EGFR: variants seen among roughly 807,000 people sequenced by gnomAD.
EGFR encodes avian erythroblastic leukemia viral (v-erb-b) oncogene homolog.
EGFR carries 58 observed loss-of-function variants against 143.0 expected under a neutral mutation model. That is an observed-to-expected ratio of 0.41 (90% CI 0.33 to 0.50). EGFR has a LOEUF of 0.50. Ranked by LOEUF, EGFR falls within the 20% of genes least tolerant of loss-of-function variation. The probability of loss-of-function intolerance (pLI) is 0.39; values close to 1 mark genes in which losing one functional copy is unlikely to be tolerated. For synonymous variants in EGFR, 613 were observed against 594.4 expected, an observed-to-expected ratio of 1.03 and a Z score of -0.45; for missense variants, 1,307 against 1,579.0, an observed-to-expected ratio of 0.83 and a Z score of 2.92.
At chr7:55,177,090 T>C (rs1786631539) in intron 19 of EGFR, among the ~76,000 whole-genome samples, 1 of 152,038 alleles carries the variant, frequency 6.6e-6, no homozygotes, top group Admixed American at 6.6e-5. Flanking sequence ...ACTGCGGCCA[T>C]GTCCCCCCTC....
intron 22 of EGFR, among the ~76,000 whole-genome samples, chr7:55,197,893 C>G (rs1787683930): frequency 6.6e-6 from 1 of 152,110 alleles, no homozygotes; most frequent in Non-Finnish European, 1.5e-5. Context: ...CTGCTGGATT[C>G]GATTTGCCAG....
At chr7:55,200,625 C>G (rs1179500102) in intron 24 of EGFR, 2 of 629,394 alleles carry the variant, frequency 3.2e-6, no homozygotes, top group East Asian at 5.6e-5. Flanking sequence ...CCATCTCCCC[C>G]TCCCCGTCTG....
rs768310160 is a variant in EGFR, at chr7:55,205,377, T to G, written c.3393T>G (p.Thr1131=). The change falls in exon 28 of 28, where the codon ACT becomes ACG. Residue 1131 remains threonine (T), a synonymous_variant. Transcript: ENST00000275493. ...CACACTACCAGGACCCCCACAGCAC[T>G]GCAGTGGGCAACCCCGAGTATCTCA... is the stretch of plus-strand genomic sequence containing the variant. ...RDPHYQDPHS[T]AVGNPEYLNT... 6.2e-7 allele frequency: 1 copy of G among 1,613,768 alleles called. No homozygotes were observed. Among genetic ancestry groups the G allele is most frequent in the East Asian group, 2.2e-5 (1 of 44,868 alleles).
chr7:55,184,613 T>G (rs1787048999), intron 20 of EGFR, among the ~76,000 whole-genome samples: 1 of 152,232 alleles, frequency 6.6e-6, no homozygotes, highest in African/African-American at 2.4e-5. Flanking sequence ...GTTTTCTGCA[T>G]AATATTACCT....
At chr7:55,178,024 G>C (rs845553) in intron 19 of EGFR, among the ~76,000 whole-genome samples, 1 of 152,154 alleles carries the variant, frequency 6.6e-6, no homozygotes. Context: ...GGGGCCTGGC[G>C]GGGCTCCAGG....
In EGFR at chr7:55,153,998, C is replaced by G. The variant is rs1360557376; in HGVS notation, c.748-13C>G. 2 of 1,614,218 alleles carry G rather than the reference C, an allele frequency of 1.2e-6. No individual in the cohort carries two copies. Among genetic ancestry groups the G allele is most frequent in the Admixed American group, 1.7e-5 (1 of 60,024 alleles). On this transcript the variant is annotated splice_polypyrimidine_tract_variant and intron_variant, in intron 6 of 27. Coordinates refer to ENST00000275493, the MANE Select transcript of EGFR (RefSeq NM_005228.5). ...TTACCTCACTTGCCCAGCGTGTCCT[C>G]TCTCCTCCATAGGTCTGCCGCAAAT...
intron 21 of EGFR, among the ~76,000 whole-genome samples, chr7:55,192,291 A>G (rs957281304): frequency 6.6e-6 from 1 of 152,072 alleles, no homozygotes; most frequent in African/African-American, 2.4e-5. Flanking sequence ...CGTGGCTGGG[A>G]CAGGCAGCAA....
chr7:55,202,665 C>T (rs1238284987), intron 27 of EGFR, 40 bp downstream of exon 27: 4 of 1,559,468 alleles, frequency 2.6e-6, no homozygotes, highest in Admixed American at 3.7e-5. Flanking sequence ...TCCTCAACCT[C>T]CTCGACCCAC....
intron 19 of EGFR, 113 bp downstream of exon 19, chr7:55,174,933 G>A: frequency 1.2e-6 from 1 of 828,812 alleles, no homozygotes. Context: ...CATCCTAAAT[G>A]TTCACTTTCT....
intron 1 of EGFR, among the ~76,000 whole-genome samples, chr7:55,119,821 T>C (rs1793091049): frequency 6.6e-6 from 1 of 152,200 alleles, no homozygotes; most frequent in South Asian, 2.1e-4. Flanking sequence ...TTGCAGCAGG[T>C]GACCACTGCC....
intron 27 of EGFR, among the ~76,000 whole-genome samples, chr7:55,205,009 A>G (rs1293119677): frequency 2.6e-5 from 4 of 152,042 alleles, no homozygotes; most frequent in Admixed American, 1.3e-4. Flanking sequence ...ACATACACAC[A>G]CTCTCCTCAA....
At chr7:55,023,948 A>AGATT (rs1786734418) in intron 1 of EGFR, among the ~76,000 whole-genome samples, 1 of 152,172 alleles carries the variant, frequency 6.6e-6, no homozygotes, top group East Asian at 1.9e-4. Flanking sequence ...CGACATCTCT[A>AGATT]GATTGTCCTC....
At chr7:55,135,317 T>A (rs540444837) in intron 1 of EGFR, among the ~76,000 whole-genome samples, 1 of 151,980 alleles carries the variant, frequency 6.6e-6, no homozygotes, top group East Asian at 2.0e-4. Context: ...GCAGCTGTGC[T>A]GGGCATGCCG....
intron 22 of EGFR, among the ~76,000 whole-genome samples, chr7:55,198,411 TTTATTG>T (rs1223517481): frequency 5.9e-5 from 9 of 152,310 alleles, no homozygotes; most frequent in African/African-American, 1.9e-4. Context: ...TACTGTTGTC[TTTATTG>T]TTAATTACCA....
chr7:55,088,272 G>A (rs917890208), intron 1 of EGFR, among the ~76,000 whole-genome samples: 2 of 152,220 alleles, frequency 1.3e-5, no homozygotes, highest in Non-Finnish European at 2.9e-5. Context: ...AGGAGCGGAT[G>A]GGGGAGGCCC....
At chr7:55,059,428 G>T (rs1326980198) in intron 1 of EGFR, among the ~76,000 whole-genome samples, 2 of 152,026 alleles carry the variant, frequency 1.3e-5, no homozygotes, top group Non-Finnish European at 2.9e-5. Context: ...TCTGTCATTA[G>T]CATGGCACAT....
rs1786434046 is a variant in EGFR at position 55,173,134 on chromosome 7, A to G, written c.2061+10A>G. Reference sequence around the variant, plus strand: ...GCTGCAGGAGAGGGAGGTGAGTGCCAGTCCTGGGTGGGCTCAGGAGCCCTC... The same window carrying G: ...GCTGCAGGAGAGGGAGGTGAGTGCCGGTCCTGGGTGGGCTCAGGAGCCCTC... On this transcript the variant is annotated intron_variant, in intron 17 of 27. Coordinates refer to ENST00000275493, the MANE Select transcript of EGFR (RefSeq NM_005228.5). The G allele has an allele frequency of 6.2e-7, 1 of 1,608,736 alleles. No individual in the cohort carries two copies. Among genetic ancestry groups the G allele is most frequent in the Non-Finnish European group, 8.5e-7 (1 of 1,179,874 alleles).
At chr7:55,094,589 CAAG>C (rs1219875309) in intron 1 of EGFR, among the ~76,000 whole-genome samples, 2 of 152,216 alleles carry the variant, frequency 1.3e-5, no homozygotes, top group Non-Finnish European at 2.9e-5. Context: ...ACAGTGAAAA[CAAG>C]AAGAGGAATT....
At chr7:55,181,247 T>C (rs2128958102) in intron 19 of EGFR, 46 bp from the exon 20 acceptor site, 2 of 1,609,916 alleles carry the variant, frequency 1.2e-6, no homozygotes, top group African/African-American at 1.3e-5. Context: ...CCCCTCCTTC[T>C]GGCCACCATG....
Sources: allele counts gnomAD v4.1 joint callset (sites outside exome capture counted in the v4.1 genomes callset), GRCh38; gene constraint gnomAD v4.1.1; transcripts MANE v1.5; gene names NCBI Gene and HGNC (gene_info 2026-07-23, HGNC 2026-07-21).